Variants in EPHA4 observed in about 807,000 individuals in gnomAD.
The protein encoded by EPHA4 is ephrin type-A receptor 4.
EPHA4 carries 19 observed loss-of-function variants against 108.3 expected under a neutral mutation model. The ratio of observed to expected loss-of-function variants is 0.18; its 90% CI spans 0.12 to 0.26. The LOEUF (loss-of-function observed/expected upper bound fraction) is 0.26. EPHA4 is among the 10% of genes least tolerant of loss of function. The pLI is 1.00. For missense variants in EPHA4, 917 were observed against 1,254.0 expected (o/e 0.73, Z 4.06); for synonymous variants, 449 against 455.5 (o/e 0.99, Z 0.18).
intron 4 of EPHA4, 137 bp downstream of exon 4, chr2:221,500,880 T>G: frequency 9.7e-7 from 1 of 1,034,472 alleles, no homozygotes. Context: ...TTTCCCCTGC[T>G]ATGATTGAGA....
intron 2 of EPHA4, among the ~76,000 whole-genome samples, chr2:221,567,777 T>C (rs904463175): frequency 7.2e-5 from 11 of 152,222 alleles, no homozygotes; most frequent in African/African-American, 2.7e-4. Context: ...CACGCCAGGT[T>C]CTAGCATTAC....
intron 13 of EPHA4, 116 bp from the exon 14 acceptor site, chr2:221,434,407 C>T (rs1289652664): frequency 9.4e-7 from 1 of 1,063,132 alleles, no homozygotes; most frequent in Non-Finnish European, 1.4e-6. Context: ...AGATAGCTCT[C>T]AAAACAATAA....
intron 4 of EPHA4, among the ~76,000 whole-genome samples, chr2:221,499,223 A>AAATATAAATATAAT (rs944578972): frequency 2.0e-5 from 3 of 147,532 alleles, no homozygotes; most frequent in East Asian, 3.9e-4. Context: ...AAATAATATA[A>AAATATAAATATAAT]AATATAAATA....
At chr2:221,528,294 T>C (rs1294358656) in intron 3 of EPHA4, among the ~76,000 whole-genome samples, 2 of 152,202 alleles carry the variant, frequency 1.3e-5, no homozygotes, top group African/African-American at 4.8e-5. Flanking sequence ...TAGCAAATAC[T>C]AGCCTTGCTA....
At chr2:221,474,443 C>G in intron 5 of EPHA4, among the ~76,000 whole-genome samples, 1 of 149,698 alleles carries the variant, frequency 6.7e-6, no homozygotes, top group Non-Finnish European at 1.5e-5. Flanking sequence ...AAAAAAGTAC[C>G]GCATGTTGTT....
chr2:221,444,152 C>T (rs1381127839), intron 9 of EPHA4, among the ~76,000 whole-genome samples: 1 of 135,184 alleles, frequency 7.4e-6, no homozygotes, highest in Non-Finnish European at 1.5e-5. Flanking sequence ...AATACAGACT[C>T]TGTAGTGGAC....
At chr2:221,475,229 T>C (rs1691619584) in intron 5 of EPHA4, among the ~76,000 whole-genome samples, 1 of 152,196 alleles carries the variant, frequency 6.6e-6, no homozygotes, top group African/African-American at 2.4e-5. Flanking sequence ...TAGGCAATAG[T>C]GTGAAGAATG....
At chr2:221,474,048 G>A (rs138042337) in intron 5 of EPHA4, among the ~76,000 whole-genome samples, 48 of 152,218 alleles carry the variant, frequency 3.2e-4, no homozygotes, top group African/African-American at 9.6e-4. Context: ...TTCTTAGAGT[G>A]GAATATTCAC....
intron 1 of EPHA4, 59 bp downstream of exon 1, chr2:221,572,099 C>T: frequency 6.9e-7 from 1 of 1,441,590 alleles, no homozygotes; most frequent in Admixed American, 1.7e-5. Flanking sequence ...TCCTGAGGAC[C>T]CCTCACCCGC....
rs925774049 is a variant in EPHA4 at position 221,432,640 on chromosome 2, C to T, written c.2496+1502G>A. Among the ~76,000 whole-genome samples the T allele has an allele frequency of 2.7e-5, 4 of 147,052 alleles. No individual in the cohort carries two copies. The East Asian group carries it at 7.8e-4, about 29-fold the overall frequency. On this transcript the variant is annotated intron_variant, in intron 14 of 17. Transcript: ENST00000281821. Reference sequence around the variant, plus strand: ...ACATGGAGTGCATTTCTCTATTGCACCGAACATTTTTTTTTTTTTTTGAGA... The same window carrying T: ...ACATGGAGTGCATTTCTCTATTGCATCGAACATTTTTTTTTTTTTTTGAGA...
At chr2:221,572,361 C>A, upstream of EPHA4, 1 of 918,918 alleles carries the variant, frequency 1.1e-6, no homozygotes, top group Non-Finnish European at 1.7e-6. Flanking sequence ...CGGCCGGTGA[C>A]GTGAGCCCGC....
chr2:221,551,560 T>G (rs531233158), intron 3 of EPHA4, among the ~76,000 whole-genome samples: 11 of 152,180 alleles, frequency 7.2e-5, no homozygotes, highest in Admixed American at 7.2e-4. Flanking sequence ...GAAATTATAG[T>G]GTAGGATTCT....
intron 4 of EPHA4, among the ~76,000 whole-genome samples, chr2:221,495,677 C>A (rs369325266): frequency 6.6e-6 from 1 of 152,138 alleles, no homozygotes; most frequent in Non-Finnish European, 1.5e-5. Flanking sequence ...AGTTTGTTTA[C>A]GATTAAATTC....
intron 3 of EPHA4, among the ~76,000 whole-genome samples, chr2:221,528,568 CA>C (rs1270142583): frequency 1.3e-5 from 2 of 152,152 alleles, no homozygotes; most frequent in Non-Finnish European, 2.9e-5. Flanking sequence ...GTTTAGAAAG[CA>C]TTTTCCTAAA....
intron 4 of EPHA4, among the ~76,000 whole-genome samples, chr2:221,490,188 T>C (rs887955176): frequency 2.8e-5 from 4 of 141,544 alleles, no homozygotes; most frequent in African/African-American, 1.0e-4. Context: ...CTTTTGTATG[T>C]CACAAAAGCT....
chr2:221,463,362 T>C (rs1291353608), intron 5 of EPHA4, among the ~76,000 whole-genome samples: 1 of 152,234 alleles, frequency 6.6e-6, no homozygotes, highest in African/African-American at 2.4e-5. Flanking sequence ...GTATTCCCAG[T>C]TCTACAAATC....
chr2:221,568,867 A>G (rs934398202), intron 1 of EPHA4, 82 bp from the exon 2 acceptor site: 62 of 1,180,794 alleles, frequency 5.3e-5, no homozygotes, highest in South Asian at 1.1e-4. Flanking sequence ...GAGCGTTTCC[A>G]TATGTGCTGA....
At chr2:221,443,673 G>T in intron 9 of EPHA4, 67 bp from the exon 10 acceptor site, 1 of 1,178,020 alleles carries the variant, frequency 8.5e-7, no homozygotes, top group Non-Finnish European at 1.2e-6. Context: ...TAAATAGTCT[G>T]GGTCTAAAAT....
chr2:221,490,369 A>T (rs2106148361), intron 4 of EPHA4, among the ~76,000 whole-genome samples: 2 of 152,240 alleles, frequency 1.3e-5, no homozygotes, highest in Middle Eastern at 3.4e-3. Context: ...TAGTTTCCAG[A>T]GCTATCACAG....
Sources: gnomAD v4.1 joint callset for allele counts (sites outside exome capture counted in the v4.1 genomes callset) on GRCh38, gnomAD v4.1.1 for gene constraint, MANE v1.5 for transcripts, NCBI Gene and HGNC (gene_info 2026-07-23, HGNC 2026-07-21) for gene names.